PGM2L1: variants seen among roughly 807,000 people sequenced by gnomAD.
The protein encoded by PGM2L1 is phosphoglucomutase 2 like 1.
Under a neutral mutation model 73.4 loss-of-function variants are expected in PGM2L1, and 35 were observed. The observed-to-expected ratio is 0.48, with a 90% CI of 0.36 to 0.63. PGM2L1 has a LOEUF of 0.63. Among genes scored for constraint, PGM2L1 ranks in the 30% least tolerant of loss-of-function variants. The pLI is 0.00. For synonymous variants in PGM2L1, 225 were observed against 253.8 expected, an observed-to-expected ratio of 0.89 and a Z score of 1.08; for missense variants, 570 against 742.0, an observed-to-expected ratio of 0.77 and a Z score of 2.69.
intron 9 of PGM2L1, 61 bp downstream of exon 9, chr11:74,345,408 A>G (rs1862246283): frequency 7.4e-7 from 1 of 1,353,268 alleles, no homozygotes; most frequent in African/African-American, 1.5e-5. Flanking sequence ...TGGTGGGGAG[A>G]TGTCTTTAAC....
chr11:74,374,606 T>C (rs1247632314), intron 1 of PGM2L1, 24 bp from the exon 2 acceptor site: 10 of 1,602,068 alleles, frequency 6.2e-6, no homozygotes, highest in Non-Finnish European at 8.5e-6. Flanking sequence ...GTATTAAAAC[T>C]TAACCAGGAA....
At chr11:74,359,186 A>G (rs1862512275) in intron 5 of PGM2L1, among the ~76,000 whole-genome samples, 1 of 152,206 alleles carries the variant, frequency 6.6e-6, no homozygotes, top group Admixed American at 6.5e-5. Context: ...TAATTTATGT[A>G]ATCAATCCTT....
chr11:74,397,945 G>A (rs1056831636), intron 1 of PGM2L1, 106 bp downstream of exon 1: 6 of 1,387,728 alleles, frequency 4.3e-6, no homozygotes, highest in Non-Finnish European at 3.7e-6. Flanking sequence ...CCCGCTCGGT[G>A]TCCCGAGCCA....
In PGM2L1 at chr11:74,342,342, C is replaced by T. The variant is rs1862195357; in HGVS notation, c.1632+119G>A. The T allele has an allele frequency of 5.1e-6, 4 of 780,870 alleles. No homozygotes were observed. In the South Asian group the frequency reaches 1.0e-4, roughly 20 times the overall value. The allele number at this position is 780,870 out of a possible 1,614,324, so 48.4% of individuals were successfully genotyped here. On this transcript the variant is annotated intron_variant, in intron 12 of 13. Transcript: ENST00000298198. ...CCAGAATTGTCACCTTTATAATAAA[C>T]TGGTAAACATGAGGAAACTGGATTG...
chr11:74,341,084 C>T (rs1041368318), intron 12 of PGM2L1, among the ~76,000 whole-genome samples: 4 of 152,194 alleles, frequency 2.6e-5, no homozygotes, highest in African/African-American at 9.7e-5. Flanking sequence ...ATCTAGCATC[C>T]TTGCCCATTT....
chr11:74,356,353 T>A (rs890716696), intron 5 of PGM2L1, among the ~76,000 whole-genome samples: 4 of 152,208 alleles, frequency 2.6e-5, no homozygotes, highest in African/African-American at 7.2e-5. Flanking sequence ...AATTGAATAA[T>A]GTTACCAGAT....
chr11:74,363,325 A>T (rs1289231848), intron 5 of PGM2L1, among the ~76,000 whole-genome samples: 1 of 152,170 alleles, frequency 6.6e-6, no homozygotes, highest in Non-Finnish European at 1.5e-5. Context: ...TCACAATTAA[A>T]AGAACTAGAG....
intron 1 of PGM2L1, among the ~76,000 whole-genome samples, chr11:74,376,015 A>G (rs2134935993): frequency 6.6e-6 from 1 of 152,354 alleles, no homozygotes; most frequent in Non-Finnish European, 1.5e-5. Flanking sequence ...TAGAGGGTAC[A>G]TAGCACTGTA....
At chr11:74,351,039 TA>T (rs1384562540) in intron 6 of PGM2L1, among the ~76,000 whole-genome samples, 1 of 152,250 alleles carries the variant, frequency 6.6e-6, no homozygotes, top group East Asian at 1.9e-4. Context: ...TAGATTTGCC[TA>T]TTCTACATAT....
intron 1 of PGM2L1, among the ~76,000 whole-genome samples, chr11:74,376,907 CAG>C: frequency 6.6e-6 from 1 of 152,226 alleles, no homozygotes; most frequent in East Asian, 1.9e-4. Context: ...ACTTTACACT[CAG>C]ATTTCTCCCC....
chr11:74,376,282 T>C (rs891486447), intron 1 of PGM2L1, among the ~76,000 whole-genome samples: 6 of 152,050 alleles, frequency 3.9e-5, no homozygotes, highest in East Asian at 1.9e-4. Flanking sequence ...TGAGGTGGCA[T>C]TGGAAATTTA....
At chr11:74,389,224 C>G (rs1223528278) in intron 1 of PGM2L1, among the ~76,000 whole-genome samples, 2 of 152,124 alleles carry the variant, frequency 1.3e-5, no homozygotes, top group African/African-American at 4.8e-5. Context: ...ACACTGCACT[C>G]TAGCCTAGGT....
At chr11:74,374,738 C>T (rs1012798150) in intron 1 of PGM2L1, among the ~76,000 whole-genome samples, 156 bp from the exon 2 acceptor site, 2 of 152,126 alleles carry the variant, frequency 1.3e-5, no homozygotes, top group African/African-American at 4.8e-5. Context: ...ATAATACCTG[C>T]CATTCACTGA....
chr11:74,392,628 G>A (rs1470228388), intron 1 of PGM2L1, among the ~76,000 whole-genome samples: 1 of 151,580 alleles, frequency 6.6e-6, no homozygotes, highest in African/African-American at 2.4e-5. Flanking sequence ...TGCAAGCTCC[G>A]CCTCCCGGAT....
chr11:74,359,515 G>A (rs1452848801), intron 5 of PGM2L1, among the ~76,000 whole-genome samples: 1 of 151,204 alleles, frequency 6.6e-6, no homozygotes, highest in Non-Finnish European at 1.5e-5. Flanking sequence ...ATATACACAT[G>A]TATGTGTATA....
intron 5 of PGM2L1, among the ~76,000 whole-genome samples, chr11:74,362,877 A>C (rs1236086057): frequency 6.6e-6 from 1 of 152,232 alleles, no homozygotes; most frequent in Non-Finnish European, 1.5e-5. Flanking sequence ...TCAGCTCTGC[A>C]CCAAGCAGAC....
intron 6 of PGM2L1, among the ~76,000 whole-genome samples, chr11:74,350,935 G>A (rs597238): frequency 0.63 from 95,410 of 151,446 alleles, 30,225 homozygotes; most frequent in East Asian, 0.8. Flanking sequence ...GAGAGAGAGA[G>A]AGAAAGAAAC....
rs564775061 is a variant in PGM2L1, at chr11:74,384,514, G to A, written c.112-9932C>T. ...GTTTCTGCAGGTTCTTGTTTATGTT[G>A]ACTTGCTTCCTTATATGTTTGGTTA... On this transcript the variant is annotated intron_variant, in intron 1 of 13. Transcript: ENST00000298198. 2.6e-5 allele frequency among the ~76,000 whole-genome samples: 4 copies of A among 151,562 alleles called. No individual in the cohort carries two copies. The East Asian group carries it at 7.7e-4, about 29-fold the overall frequency.
chr11:74,339,916 A>C (rs1862158653), intron 12 of PGM2L1, among the ~76,000 whole-genome samples: 1 of 152,196 alleles, frequency 6.6e-6, no homozygotes, highest in Non-Finnish European at 1.5e-5. Context: ...TTCTCTAGAA[A>C]GTCTTGCATA....
Sources: allele counts gnomAD v4.1 joint callset (sites outside exome capture counted in the v4.1 genomes callset), GRCh38; gene constraint gnomAD v4.1.1; transcripts MANE v1.5; gene names NCBI Gene and HGNC (gene_info 2026-07-23, HGNC 2026-07-21).